Variants in FOXN3 observed in about 807,000 individuals in gnomAD.
FOXN3 encodes the protein forkhead box protein N3.
Under a neutral mutation model 38.4 loss-of-function variants are expected in FOXN3, and 7 were observed. The ratio of observed to expected loss-of-function variants is 0.18; its 90% confidence interval spans 0.10 to 0.34. The LOEUF is 0.34. Among genes scored for constraint, FOXN3 ranks in the 10% least tolerant of loss-of-function variants. FOXN3 has a pLI of 1.00. For missense variants in FOXN3, 456 were observed against 613.4 expected, an observed-to-expected ratio of 0.74 and a Z score of 2.71; for synonymous variants, 230 against 242.2, an observed-to-expected ratio of 0.95 and a Z score of 0.47.
intron 1 of FOXN3, among the ~76,000 whole-genome samples, chr14:89,551,302 T>C (rs1433390631): frequency 6.6e-6 from 1 of 152,194 alleles, no homozygotes; most frequent in Non-Finnish European, 1.5e-5. Flanking sequence ...TGGGGTTAAT[T>C]TCCTTGATTT....
intron 1 of FOXN3, among the ~76,000 whole-genome samples, chr14:89,561,435 C>T (rs1445449283): frequency 7.2e-5 from 11 of 152,222 alleles, no homozygotes; most frequent in Non-Finnish European, 1.3e-4. Flanking sequence ...TGGTCTCAAA[C>T]TCCTGACTTC....
At chr14:89,217,767 A>G (rs1884331490) in intron 4 of FOXN3, among the ~76,000 whole-genome samples, 1 of 152,208 alleles carries the variant, frequency 6.6e-6, no homozygotes, top group Non-Finnish European at 1.5e-5. Context: ...CAAACTACCA[A>G]AGGGAAGGAA....
At chr14:89,595,843 TG>T (rs1176183767) in intron 1 of FOXN3, among the ~76,000 whole-genome samples, 1 of 152,204 alleles carries the variant, frequency 6.6e-6, no homozygotes, top group Non-Finnish European at 1.5e-5. Flanking sequence ...GGCTATTTTT[TG>T]TATATATGCT....
chr14:89,359,909 A>G (rs570551377), intron 2 of FOXN3, among the ~76,000 whole-genome samples: 6 of 152,170 alleles, frequency 3.9e-5, no homozygotes, highest in African/African-American at 1.4e-4. Context: ...CGGATCCTTG[A>G]GCTCATGGTG....
At chr14:89,181,670 A>T (rs576766083) in intron 4 of FOXN3, among the ~76,000 whole-genome samples, 1 of 151,044 alleles carries the variant, frequency 6.6e-6, no homozygotes, top group South Asian at 2.1e-4. Context: ...TTCTCCATAC[A>T]AACTCCAAGA....
intron 2 of FOXN3, among the ~76,000 whole-genome samples, chr14:89,376,773 GGAGGCT>G (rs2096534802): frequency 6.6e-6 from 1 of 151,922 alleles, no homozygotes; most frequent in African/African-American, 2.4e-5. Context: ...TAGCACTTTG[GGAGGCT>G]GAAGCGGGTA....
chr14:89,511,161 C>CTTTCTT (rs1555358051), intron 1 of FOXN3, among the ~76,000 whole-genome samples: 1 of 22,294 alleles, frequency 4.5e-5, no homozygotes, highest in African/African-American at 7.3e-5. Context: ...TTCTTTCTTT[C>CTTTCTT]TTTCTTTCTT....
chr14:89,235,371 G>C (rs1433338831), intron 4 of FOXN3, among the ~76,000 whole-genome samples: 1 of 152,152 alleles, frequency 6.6e-6, no homozygotes, highest in Non-Finnish European at 1.5e-5. Flanking sequence ...ATAGGAGTGT[G>C]CCTGTGTGAG....
intron 1 of FOXN3, among the ~76,000 whole-genome samples, chr14:89,566,134 C>T (rs1181339718): frequency 2.0e-5 from 3 of 152,188 alleles, no homozygotes; most frequent in Non-Finnish European, 2.9e-5. Context: ...ACAAATCCCA[C>T]GAGTAAAGAC....
Position 89,415,133 on chromosome 14 carries a change from C to T in FOXN3, c.-15+1738G>A, listed in dbSNP as rs370861300. Among the ~76,000 whole-genome samples the T allele has an allele frequency of 2.6e-4, 40 of 152,236 alleles. 1 individual carries two copies. The highest frequency in any genetic ancestry group is 8.9e-4 in the African/African-American group (37 of 41,538). On this transcript the variant is annotated intron_variant, in intron 1 of 5. Transcript: ENST00000557258. The stretch of plus-strand genomic sequence containing the variant: ...ATCCCATCAGAAAATTTTCTGATGA[C>T]CAGCATATGCCCACAGTAGAGTATA...
chr14:89,249,170 C>CACT (rs1335528839), intron 4 of FOXN3, among the ~76,000 whole-genome samples: 2 of 152,228 alleles, frequency 1.3e-5, no homozygotes, highest in Admixed American at 6.5e-5. Context: ...ACACTGTACT[C>CACT]ACTAAAGCTT....
chr14:89,255,041 AT>A (rs1335130946), intron 4 of FOXN3, among the ~76,000 whole-genome samples: 1 of 152,116 alleles, frequency 6.6e-6, no homozygotes, highest in East Asian at 1.9e-4. Flanking sequence ...GGCAGTGCAA[AT>A]TCTTAGAGGC....
At chr14:89,453,355 G>C (rs915582315) in intron 1 of FOXN3, among the ~76,000 whole-genome samples, 8 of 151,792 alleles carry the variant, frequency 5.3e-5, no homozygotes, top group Admixed American at 2.6e-4. Context: ...AGGAGATTGA[G>C]ACCATCCTGG....
At chr14:89,260,902 G>C (rs1184116819) in intron 4 of FOXN3, among the ~76,000 whole-genome samples, 5 of 152,036 alleles carry the variant, frequency 3.3e-5, no homozygotes, top group Non-Finnish European at 7.4e-5. Flanking sequence ...TTTTTATTAT[G>C]GCAAGTATAA....
chr14:89,405,123 C>CA (rs1397370017), intron 2 of FOXN3, among the ~76,000 whole-genome samples: 1 of 151,990 alleles, frequency 6.6e-6, no homozygotes, highest in Non-Finnish European at 1.5e-5. Context: ...GGTGCAACCT[C>CA]AGTTTCTTTT....
intron 1 of FOXN3, among the ~76,000 whole-genome samples, chr14:89,477,387 TAGGGTGTTATAA>T (rs1401407390): frequency 6.6e-6 from 1 of 152,228 alleles, no homozygotes; most frequent in East Asian, 1.9e-4. Flanking sequence ...ACATCTTTTC[TAGGGTGTTATAA>T]AGCCATCTTA....
chr14:89,566,120 TAAAACAAATCCCACGAGTAAAGACCAAC>T (rs1895344989), intron 1 of FOXN3, among the ~76,000 whole-genome samples: 1 of 152,182 alleles, frequency 6.6e-6, no homozygotes, highest in Non-Finnish European at 1.5e-5. Context: ...TGACAATTAG[TAAAACAAATCCCACGAGTAAAGACCAAC>T]AAGAAATTCC....
At chr14:89,596,284 C>T (rs1464437729) in intron 1 of FOXN3, among the ~76,000 whole-genome samples, 2 of 152,214 alleles carry the variant, frequency 1.3e-5, no homozygotes, top group East Asian at 1.9e-4. Context: ...ATTATAGGCA[C>T]GTGCCACCAA....
intron 1 of FOXN3, among the ~76,000 whole-genome samples, chr14:89,568,181 T>C (rs1480546436): frequency 6.6e-6 from 1 of 152,042 alleles, no homozygotes; most frequent in African/African-American, 2.4e-5. Flanking sequence ...CCGCTTCCAT[T>C]CTAATGCACT....
Sources: gnomAD v4.1 joint callset for allele counts (sites outside exome capture counted in the v4.1 genomes callset) on GRCh38, gnomAD v4.1.1 for gene constraint, MANE v1.5 for transcripts, NCBI Gene and HGNC (gene_info 2026-07-23, HGNC 2026-07-21) for gene names.